Variants in EXOC4 observed in about 807,000 individuals in gnomAD.
EXOC4 encodes the protein SEC8-like 1.
In EXOC4, 71 loss-of-function variants were observed where a neutral mutation model predicts 107.2. The observed-to-expected ratio is 0.66, with a 90% confidence interval of 0.55 to 0.81. The LOEUF is 0.81. Among genes scored for constraint, EXOC4 ranks in the 30% least tolerant of loss-of-function variants. EXOC4 has a pLI of 0.00. For synonymous variants in EXOC4, 456 were observed against 441.2 expected, an observed-to-expected ratio of 1.03 and a Z score of -0.42; for missense variants, 1,108 against 1,189.6, an observed-to-expected ratio of 0.93 and a Z score of 1.01.
chr7:133,934,198 A>G (rs1338699730), intron 13 of EXOC4, among the ~76,000 whole-genome samples: 1 of 152,216 alleles, frequency 6.6e-6, no homozygotes, highest in African/African-American at 2.4e-5. Flanking sequence ...ATTGGAAAAA[A>G]ATCTGTAGTC....
At chr7:133,965,104 G>C (rs950991839) in intron 14 of EXOC4, among the ~76,000 whole-genome samples, 1 of 152,086 alleles carries the variant, frequency 6.6e-6, no homozygotes, top group African/African-American at 2.4e-5. Context: ...TTTTTCATCT[G>C]TTTGTTGGCT....
intron 7 of EXOC4, among the ~76,000 whole-genome samples, chr7:133,460,659 A>C (rs1441755875): frequency 2.0e-5 from 3 of 152,028 alleles, no homozygotes; most frequent in Non-Finnish European, 4.4e-5. Flanking sequence ...ATTTTTCATT[A>C]GTTTAGTAGC....
chr7:133,467,517 G>C (rs141701866), intron 7 of EXOC4, among the ~76,000 whole-genome samples: 13 of 143,528 alleles, frequency 9.1e-5, no homozygotes, highest in Non-Finnish European at 1.8e-4. Context: ...TCATTTGCCT[G>C]TTTAAAACTC....
intron 7 of EXOC4, among the ~76,000 whole-genome samples, chr7:133,462,757 GA>G (rs1053547481): frequency 3.6e-4 from 54 of 151,900 alleles, no homozygotes; most frequent in African/African-American, 1.3e-3. Context: ...TTAATGGCAG[GA>G]AAAAAAATTA....
intron 9 of EXOC4, among the ~76,000 whole-genome samples, chr7:133,530,472 A>G (rs928590841): frequency 7.2e-5 from 11 of 152,174 alleles, no homozygotes; most frequent in African/African-American, 2.4e-4. Flanking sequence ...TGAATAGGGT[A>G]TTTGTAACAT....
chr7:134,047,944 C>T (rs59855078), intron 17 of EXOC4, among the ~76,000 whole-genome samples: 1,764 of 152,262 alleles, frequency 0.012, 27 homozygotes, highest in African/African-American at 0.04. Flanking sequence ...GGAGTTGTTA[C>T]TCAAATCAAT....
At chr7:134,085,077 A>C in the EXOC4 span, among the ~76,000 whole-genome samples, 1 of 152,216 alleles carries the variant, frequency 6.6e-6, no homozygotes, top group Non-Finnish European at 1.5e-5. Flanking sequence ...AGACTCAGCT[A>C]TTGTTACAGG....
At chr7:133,835,392 C>T (rs1797896906) in intron 11 of EXOC4, among the ~76,000 whole-genome samples, 1 of 152,140 alleles carries the variant, frequency 6.6e-6, no homozygotes, top group Non-Finnish European at 1.5e-5. Context: ...GTAAGATGTA[C>T]ATTGGTTTGG....
chr7:133,830,804 A>G (rs1797793027), intron 11 of EXOC4, among the ~76,000 whole-genome samples: 1 of 152,160 alleles, frequency 6.6e-6, no homozygotes, highest in Non-Finnish European at 1.5e-5. Context: ...CCTTATTCAT[A>G]CTGCCTTATT....
intron 17 of EXOC4, among the ~76,000 whole-genome samples, chr7:134,044,850 A>G (rs1795610015): frequency 6.6e-6 from 1 of 152,168 alleles, no homozygotes; most frequent in Admixed American, 6.5e-5. Flanking sequence ...ATGAGTCAAC[A>G]TTTTTGTCTC....
At chr7:134,035,846 G>A (rs1795375748) in intron 17 of EXOC4, among the ~76,000 whole-genome samples, 1 of 152,176 alleles carries the variant, frequency 6.6e-6, no homozygotes, top group Non-Finnish European at 1.5e-5. Context: ...GAAGAAGAGT[G>A]TTTCCTTCTG....
At chr7:134,034,239 G>A (rs1215728196) in intron 17 of EXOC4, among the ~76,000 whole-genome samples, 1 of 151,986 alleles carries the variant, frequency 6.6e-6, no homozygotes, top group Non-Finnish European at 1.5e-5. Flanking sequence ...GGTTGAAAAA[G>A]AACCTAAGAT....
chr7:133,271,206 C>G (rs1333534738), intron 1 of EXOC4, among the ~76,000 whole-genome samples: 2 of 152,162 alleles, frequency 1.3e-5, no homozygotes, highest in Non-Finnish European at 2.9e-5. Flanking sequence ...GTATGAACCA[C>G]TGCGCCTGGC....
intron 7 of EXOC4, among the ~76,000 whole-genome samples, chr7:133,421,335 A>T (rs10954416): frequency 0.48 from 72,670 of 151,438 alleles, 17,758 homozygotes; most frequent in East Asian, 0.6. Flanking sequence ...GAAGGCATGG[A>T]TGGCTGATCC....
At chr7:133,376,295 A>G (rs1408735815) in intron 7 of EXOC4, among the ~76,000 whole-genome samples, 2 of 152,142 alleles carry the variant, frequency 1.3e-5, no homozygotes, top group African/African-American at 2.4e-5. Context: ...ATATTTTTGT[A>G]TTGAATAAAA....
At chr7:133,561,961 CT>C (rs1297682151) in intron 9 of EXOC4, among the ~76,000 whole-genome samples, 1 of 152,158 alleles carries the variant, frequency 6.6e-6, no homozygotes, top group Non-Finnish European at 1.5e-5. Context: ...GTATGCATAG[CT>C]CACATTTATT....
At chr7:133,318,430 T>C (rs1795040073) in intron 5 of EXOC4, among the ~76,000 whole-genome samples, 1 of 152,160 alleles carries the variant, frequency 6.6e-6, no homozygotes, top group Non-Finnish European at 1.5e-5. Context: ...TGTAACTGGG[T>C]TGGGGAAGAA....
At chr7:133,852,246 G>A (rs1402346783) in intron 11 of EXOC4, among the ~76,000 whole-genome samples, 9 of 145,110 alleles carry the variant, frequency 6.2e-5, no homozygotes, top group Non-Finnish European at 1.2e-4. Flanking sequence ...TTTTTGAGAC[G>A]GAGTCTTGCT....
chr7:133,560,288 A>G (rs1563108220), intron 9 of EXOC4, among the ~76,000 whole-genome samples: 2 of 151,646 alleles, frequency 1.3e-5, no homozygotes, highest in Non-Finnish European at 2.9e-5. Flanking sequence ...ATTTTATTTT[A>G]TTTATTTATT....
Sources: gnomAD v4.1 joint callset for allele counts (sites outside exome capture counted in the v4.1 genomes callset) on GRCh38, gnomAD v4.1.1 for gene constraint, MANE v1.5 for transcripts, NCBI Gene and HGNC (gene_info 2026-07-23, HGNC 2026-07-21) for gene names.